Variants in CNTNAP4 observed in about 807,000 individuals in gnomAD.
CNTNAP4 encodes contactin-associated protein-like 4.
Under a neutral mutation model 148.4 loss-of-function variants are expected in CNTNAP4, and 98 were observed. The observed-to-expected ratio is 0.66, with a 90% CI of 0.56 to 0.78. The LOEUF (loss-of-function observed/expected upper bound fraction) is 0.78. Ranked by LOEUF, CNTNAP4 falls within the 30% of genes least tolerant of loss-of-function variation. CNTNAP4 has a pLI of 0.00. For synonymous variants in CNTNAP4, 730 were observed against 565.1 expected (o/e 1.29, Z -4.14); for missense variants, 1,935 against 1,565.6 (o/e 1.24, Z -3.98).
intron 10 of CNTNAP4, 87 bp downstream of exon 10, chr16:76,467,610 C>A: frequency 9.1e-7 from 1 of 1,093,252 alleles, no homozygotes; most frequent in Non-Finnish European, 1.3e-6. Context: ...ATTATTCTTT[C>A]CTCTTCCCCA....
intron 1 of CNTNAP4, among the ~76,000 whole-genome samples, chr16:76,286,692 C>G (rs1489887468): frequency 6.6e-6 from 1 of 152,082 alleles, no homozygotes; most frequent in African/African-American, 2.4e-5. Flanking sequence ...AAGAGAAGGG[C>G]ATGATAAACA....
chr16:76,462,070 A>G lies in CNTNAP4; in HGVS notation c.1448A>G (p.Glu483Gly). Residue 483 changes from glutamate to glycine, a missense_variant, in exon 9 of 24, where the codon GAG (glutamate) becomes GGG (glycine). Coordinates refer to ENST00000611870, the MANE Select transcript of CNTNAP4 (RefSeq NM_033401.5). ...MASAAPLLGP[E>G]QIYSGGTYYF... ...TCTGCTGCTCCTCTGCTGGGGCCTGAGCAGATTTATTCGGGTGGCACCTAT... is the reference window on the plus strand; with the variant it reads ...TCTGCTGCTCCTCTGCTGGGGCCTGGGCAGATTTATTCGGGTGGCACCTAT... The G allele has an allele frequency of 6.2e-7, 1 of 1,613,790 alleles. No homozygotes were observed. Among genetic ancestry groups the G allele is most frequent in the Non-Finnish European group, 8.5e-7 (1 of 1,179,808 alleles).
At position 76,277,667 on chromosome 16, in the gene CNTNAP4, G is replaced by T. The variant is rs1002899018; in HGVS notation, c.5G>T (p.Gly2Val). The change falls in exon 1 of 24, where the codon GGA (glycine) becomes GTA (valine). Residue 2 changes from glycine to valine, a missense_variant. Physicochemically the swap from Gly to Val is moderately radical, Grantham distance 109 (BLOSUM62 -3). Transcript: ENST00000611870. ...GGGAGCCCAATAAATGTGAACATGG[G>T]ATCTGTCACGGGAGCTGTCCTCAAG... Reference protein sequence around the residue: MGSVTGAVLKTL... With the variant: MVSVTGAVLKTL... The T allele has an allele frequency of 3.7e-6, 6 of 1,601,306 alleles. No homozygotes were observed. The African/African-American group carries it at 6.7e-5, about 18-fold the overall frequency.
rs1158805627 is a variant in CNTNAP4 at position 76,460,753 on chromosome 16, C to CAAAAAAAAAAAAAAAA, written c.1334-1197_1334-1182dup. 1.9e-4 allele frequency among the ~76,000 whole-genome samples: 3 copies of CAAAAAAAAAAAAAAAA among 15,516 alleles called. 1 individual carries two copies. The highest frequency in any genetic ancestry group is 2.6e-4 in the Non-Finnish European group (2 of 7,656). 10.2% of individuals were successfully genotyped at this position (15,516 alleles called of 152,430 possible). ...GGGCGACAGAGCCAGACTCATGTCT[C>CAAAAAAAAAAAAAAAA]AAAAAAAAAAAAAAAAAAAAATATA... On this transcript the variant is annotated intron_variant, in intron 8 of 23. Transcript: ENST00000611870.
At chr16:76,317,757 C>CATA (rs1418084418) in intron 2 of CNTNAP4, among the ~76,000 whole-genome samples, 2 of 151,904 alleles carry the variant, frequency 1.3e-5, no homozygotes, top group Non-Finnish European at 2.9e-5. Flanking sequence ...ATCTGGTATA[C>CATA]ATAATATATA....
At chr16:76,501,676 A>C (rs2082649819) in intron 15 of CNTNAP4, among the ~76,000 whole-genome samples, 1 of 152,156 alleles carries the variant, frequency 6.6e-6, no homozygotes, top group South Asian at 2.1e-4. Flanking sequence ...TCCACAGAGA[A>C]GAATTATCTG....
intron 17 of CNTNAP4, among the ~76,000 whole-genome samples, chr16:76,528,590 C>T (rs908684926): frequency 7.2e-5 from 11 of 152,160 alleles, no homozygotes; most frequent in Non-Finnish European, 1.5e-4. Flanking sequence ...TTGGTAATCT[C>T]TCAGAAGTGG....
chr16:76,355,177 T>A, intron 2 of CNTNAP4, 141 bp from the exon 3 acceptor site: 1 of 492,912 alleles, frequency 2.0e-6, no homozygotes, highest in Non-Finnish European at 3.5e-6. Flanking sequence ...CTCTATATTT[T>A]TCTACAATTA....
chr16:76,545,773 C>G (rs1210380037), intron 21 of CNTNAP4, among the ~76,000 whole-genome samples: 1 of 152,198 alleles, frequency 6.6e-6, no homozygotes, highest in Non-Finnish European at 1.5e-5. Flanking sequence ...CACAGTGGCT[C>G]ACGCCTGTAA....
At chr16:76,437,311 C>G (rs1228731719) in intron 4 of CNTNAP4, among the ~76,000 whole-genome samples, 1 of 152,114 alleles carries the variant, frequency 6.6e-6, no homozygotes, top group Non-Finnish European at 1.5e-5. Context: ...CCCTCACAGA[C>G]ACACCCAGGA....
At chr16:76,319,040 A>G in intron 2 of CNTNAP4, among the ~76,000 whole-genome samples, 1 of 152,086 alleles carries the variant, frequency 6.6e-6, no homozygotes, top group East Asian at 1.9e-4. Flanking sequence ...AAGAAGTGTC[A>G]AGGGTAATAC....
intron 1 of CNTNAP4, among the ~76,000 whole-genome samples, chr16:76,285,463 G>T (rs1958842087): frequency 6.6e-6 from 1 of 152,044 alleles, no homozygotes; most frequent in African/African-American, 2.4e-5. Flanking sequence ...GATATTATCA[G>T]TTGGCCTATA....
intron 2 of CNTNAP4, among the ~76,000 whole-genome samples, chr16:76,318,539 A>G (rs958244716): frequency 4.6e-5 from 7 of 151,822 alleles, no homozygotes; most frequent in African/African-American, 1.7e-4. Flanking sequence ...TTGTAAACCT[A>G]CTTGATTACA....
intron 13 of CNTNAP4, 118 bp downstream of exon 13, chr16:76,490,001 C>G (rs1017013171): frequency 3.9e-6 from 2 of 519,414 alleles, no homozygotes; most frequent in Admixed American, 7.7e-5. Context: ...GGTATATGAT[C>G]TCACATACTT....
chr16:76,382,163 C>G (rs914137475), intron 3 of CNTNAP4, among the ~76,000 whole-genome samples: 2 of 149,710 alleles, frequency 1.3e-5, no homozygotes, highest in Non-Finnish European at 3.0e-5. Flanking sequence ...TTTTAACATG[C>G]CTTGTTTTTC....
chr16:76,544,280 C>T (rs971581999), intron 21 of CNTNAP4, among the ~76,000 whole-genome samples: 3 of 151,662 alleles, frequency 2.0e-5, no homozygotes, highest in Admixed American at 6.6e-5. Flanking sequence ...CTGTCCCATG[C>T]TTTTTCAGGT....
At chr16:76,480,224 C>T (rs1168610840) in intron 12 of CNTNAP4, among the ~76,000 whole-genome samples, 2 of 152,070 alleles carry the variant, frequency 1.3e-5, no homozygotes, top group African/African-American at 4.8e-5. Context: ...TATTAAAATA[C>T]TCTAAACAAT....
intron 21 of CNTNAP4, among the ~76,000 whole-genome samples, chr16:76,547,750 T>G (rs1180994777): frequency 6.6e-6 from 1 of 152,132 alleles, no homozygotes; most frequent in Non-Finnish European, 1.5e-5. Flanking sequence ...CTCTTTGGAG[T>G]CCGCAGAGCT....
chr16:76,450,768 T>A (rs1400187150), intron 7 of CNTNAP4, among the ~76,000 whole-genome samples: 1 of 152,100 alleles, frequency 6.6e-6, no homozygotes, highest in Non-Finnish European at 1.5e-5. Context: ...ACGGGGACAA[T>A]TTAAATATAG....
Sources: allele counts gnomAD v4.1 joint callset (sites outside exome capture counted in the v4.1 genomes callset), GRCh38; gene constraint gnomAD v4.1.1; transcripts MANE v1.5; gene names NCBI Gene and HGNC (gene_info 2026-07-23, HGNC 2026-07-21).